Variants in SLC38A10 observed in about 807,000 individuals in gnomAD.
SLC38A10 encodes the protein Sodium-coupled neutral amino acid transporter 10.
In SLC38A10, 53 loss-of-function variants were observed where a neutral mutation model predicts 81.0. The observed-to-expected ratio is 0.65, with a 90% CI of 0.53 to 0.82. The LOEUF (loss-of-function observed/expected upper bound fraction) is 0.82, where lower values mean the gene tolerates loss of function less well. Ranked by LOEUF, SLC38A10 falls within the 40% of genes least tolerant of loss-of-function variation. The pLI, the probability that SLC38A10 is intolerant of heterozygous loss-of-function variation, is 0.00. For missense variants in SLC38A10, 1,471 were observed against 1,545.0 expected, an observed-to-expected ratio of 0.95 and a Z score of 0.80; for synonymous variants, 665 against 655.3, an observed-to-expected ratio of 1.01 and a Z score of -0.23.
In SLC38A10 at chr17:81,282,207, G is replaced by A. The variant is rs542891089; in HGVS notation, c.483C>T (p.Tyr161=). 4 of 1,613,754 alleles carry A rather than the reference G, an allele frequency of 2.5e-6. No individual in the cohort carries two copies. The highest frequency in any genetic ancestry group is 1.3e-5 in the African/African-American group (1 of 75,074). Residue 161 remains tyrosine, a synonymous_variant, in exon 5 of 16, where the codon TAC becomes TAT. Coordinates refer to ENST00000374759, the MANE Select transcript of SLC38A10 (RefSeq NM_001037984.3). ...GACTCACCACGAACATGAACACGGT[G>A]TAGAAGAGGAGGGCCATGGCGCTGA... is the stretch of plus-strand genomic sequence containing the variant. The part of the protein sequence containing the change: ...QSFSAMALLF[Y]TVFMFVIVLS...
chr17:81,293,397 CA>C (rs1161149880), intron 1 of SLC38A10, among the ~76,000 whole-genome samples: 9 of 152,378 alleles, frequency 5.9e-5, no homozygotes, highest in Middle Eastern at 3.4e-3. Context: ...GCTCACCAAC[CA>C]TATCAGGCAA....
In SLC38A10 at chr17:81,270,818, C is replaced by T. The variant is rs2063108327; in HGVS notation, c.1131+100G>A. 3.1e-6 allele frequency: 3 copies of T among 952,782 alleles called. No individual in the cohort carries two copies. The African/African-American group carries it at 4.9e-5, about 16-fold the overall frequency. 59.0% of individuals were successfully genotyped at this position (952,782 alleles called of 1,614,324 possible). A position where few individuals can be genotyped will look rare whatever the true frequency, so the allele number is the denominator to read the frequency against. ...TGGGTTTTAAGTTTCTTGATAGAACCCATCTGAAAACGCTGAACCAGGGGC... is the reference window on the plus strand; with the variant it reads ...TGGGTTTTAAGTTTCTTGATAGAACTCATCTGAAAACGCTGAACCAGGGGC... On this transcript the variant is annotated intron_variant, in intron 10 of 15. Transcript: ENST00000374759. The surrounding 1 kb of genome is among the most constrained non-coding windows in gnomAD (Gnocchi z 4.0).
At chr17:81,251,889 A>G (rs1031066344) in intron 13 of SLC38A10, 23 of 516,590 alleles carry the variant, frequency 4.5e-5, no homozygotes, top group Non-Finnish European at 7.5e-5. Context: ...CGGGCACTTA[A>G]CAACGTGTTA....
rs2063283357 is a variant in SLC38A10, at chr17:81,288,240, T to C, written c.217+1451A>G. Among the ~76,000 whole-genome samples, 1 of 152,134 alleles carries C rather than the reference T, an allele frequency of 6.6e-6. No homozygotes were observed. The highest frequency in any genetic ancestry group is 6.5e-5 in the Admixed American group (1 of 15,282). ...CCCACGTGTGGACCGTGCAGGTGTTTTTATTTTGTTTGGCCCCCTGGACCC... is the reference window on the plus strand; with the variant it reads ...CCCACGTGTGGACCGTGCAGGTGTTCTTATTTTGTTTGGCCCCCTGGACCC... On this transcript the variant is annotated intron_variant, in intron 2 of 15. Coordinates refer to ENST00000374759, the MANE Select transcript of SLC38A10 (RefSeq NM_001037984.3). This position sits in a 1 kb window ranked among gnomAD's most constrained non-coding sequence, Gnocchi z 5.4.
At chr17:81,250,938 A>T (rs2062904365) in intron 14 of SLC38A10, 3 of 1,246,550 alleles carry the variant, frequency 2.4e-6, no homozygotes, top group Middle Eastern at 3.1e-4. Context: ...TCCTGGAGGG[A>T]CAGGTGACAG....
chr17:81,267,097 C>T (rs920236233), intron 10 of SLC38A10, among the ~76,000 whole-genome samples: 4 of 152,170 alleles, frequency 2.6e-5, no homozygotes, highest in East Asian at 3.9e-4. Context: ...TAACACAGTA[C>T]GGAAGGGCAG....
At chr17:81,273,864 G>A (rs2146930541) in intron 8 of SLC38A10, among the ~76,000 whole-genome samples, 1 of 152,312 alleles carries the variant, frequency 6.6e-6, no homozygotes. Context: ...CAGGCTTGTA[G>A]GGACCGTGGA....
Position 81,245,384 on chromosome 17 carries a change from G to A in SLC38A10, c.*172C>T, listed in dbSNP as rs750331132. 6 of 796,892 alleles carry A rather than the reference G, an allele frequency of 7.5e-6. No individual in the cohort carries two copies. The highest frequency in any genetic ancestry group is 1.1e-5 in the Non-Finnish European group (6 of 523,652). The allele number at this position is 796,892 out of a possible 1,614,324, so 49.4% of individuals were successfully genotyped here. A position where few individuals can be genotyped will look rare whatever the true frequency, so the allele number is the denominator to read the frequency against. On this transcript the variant is annotated 3_prime_UTR_variant, in exon 16 of 16. Coordinates refer to ENST00000374759, the MANE Select transcript of SLC38A10 (RefSeq NM_001037984.3). ...ACGACAGCAAGAACATTCTGGAAAC[G>A]ATGCCACAGTGAATCTTTTATACTG...
rs1567942138 is a variant in SLC38A10, at chr17:81,277,175, CA to C, written c.627-43del. On this transcript the variant is annotated intron_variant, in intron 6 of 15. Transcript: ENST00000374759. The surrounding 1 kb of genome is among the most constrained non-coding windows in gnomAD (Gnocchi z 4.5). ...CATTTCACAGCGGACCTGAGAGAGG[CA>C]CGCCCTCCCCAGCGGCTCCACTTCT... 1 of 1,580,178 alleles carries C rather than the reference CA, an allele frequency of 6.3e-7. No individual in the cohort carries two copies. The highest frequency in any genetic ancestry group is 1.3e-5 in the African/African-American group (1 of 74,366).
chr17:81,271,884 GC>G (rs1176185415), intron 9 of SLC38A10, among the ~76,000 whole-genome samples: 1 of 149,776 alleles, frequency 6.7e-6, no homozygotes, highest in African/African-American at 2.5e-5. Context: ...CCGCCACCAC[GC>G]CCGGCTAATT....
At chr17:81,255,509 C>G (rs1471559664) in intron 11 of SLC38A10, among the ~76,000 whole-genome samples, 1 of 152,260 alleles carries the variant, frequency 6.6e-6, no homozygotes, top group Non-Finnish European at 1.5e-5. Flanking sequence ...CCCCCGCCAG[C>G]TCACGACTGA....
At chr17:81,257,282 G>A in intron 11 of SLC38A10, among the ~76,000 whole-genome samples, 1 of 152,104 alleles carries the variant, frequency 6.6e-6, no homozygotes. Context: ...TTTTAGTAGA[G>A]ACAGGGTTTC....
At chr17:81,291,567 G>A (rs999888021) in intron 1 of SLC38A10, among the ~76,000 whole-genome samples, 18 of 151,978 alleles carry the variant, frequency 1.2e-4, no homozygotes, top group Admixed American at 2.6e-4. Context: ...TGGCTCCAGC[G>A]GAAAAGACAC....
intron 8 of SLC38A10, among the ~76,000 whole-genome samples, chr17:81,273,009 T>TGCCCCA (rs1406307588): frequency 2.6e-5 from 4 of 152,170 alleles, no homozygotes; most frequent in East Asian, 1.9e-4. Context: ...TCCTGACAAA[T>TGCCCCA]GCCCCAGGAC....
chr17:81,280,599 G>A lies in SLC38A10; in HGVS notation c.626+10C>T. On this transcript the variant is annotated intron_variant, in intron 6 of 15. Coordinates refer to ENST00000374759, the MANE Select transcript of SLC38A10 (RefSeq NM_001037984.3). The stretch of plus-strand genomic sequence containing the variant: ...CAGAACTCCACCACAGACCACAGCA[G>A]GACACTTACGACTGGCAGGCGAAGG... 1.2e-6 allele frequency: 2 copies of A among 1,613,612 alleles called. No individual in the cohort carries two copies. Among genetic ancestry groups the A allele is most frequent in the South Asian group, 1.1e-5 (1 of 91,026 alleles).
rs781063838 is a variant in SLC38A10 at position 81,251,548 on chromosome 17, G to A, written c.2010C>T (p.Arg670=). Residue 670 remains arginine, a synonymous_variant, in exon 14 of 16, where the codon CGC becomes CGT. Coordinates refer to ENST00000374759, the MANE Select transcript of SLC38A10 (RefSeq NM_001037984.3). ...APGPGLPPEP[R]EQRDVERAGG... ...CCGCTCGCTCCACGTCCCTCTGCTC[G>A]CGAGGCTCGGGCGGCAGCCCAGGCC... 7 of 1,525,932 alleles carry A rather than the reference G, an allele frequency of 4.6e-6. No individual in the cohort carries two copies. The highest frequency in any genetic ancestry group is 2.5e-5 in the South Asian group (2 of 79,212). 94.5% of individuals were successfully genotyped at this position (1,525,932 alleles called of 1,614,324 possible).
Position 81,246,621 on chromosome 17 carries a change from A to AG in SLC38A10, c.2294dup (p.Glu766Ter). The AG allele has an allele frequency of 1.3e-6, 2 of 1,515,846 alleles. No individual in the cohort carries two copies. Among genetic ancestry groups the AG allele is most frequent in the Non-Finnish European group, 1.8e-6 (2 of 1,135,440 alleles). The allele number at this position is 1,515,846 out of a possible 1,614,324, so 93.9% of individuals were successfully genotyped here. A position where few individuals can be genotyped will look rare whatever the true frequency, so the allele number is the denominator to read the frequency against. ...CCACCGTCTCCCTGGCCTTGCCTTC[A>AG]GGGGCCTCCTGGCCTCTGGGCACCG... On this transcript the variant is annotated frameshift_variant, in exon 16 of 16. Transcript: ENST00000374759. LOFTEE classifies it low-confidence loss of function (END_TRUNC).
chr17:81,249,002 G>A (rs180875968), intron 14 of SLC38A10, among the ~76,000 whole-genome samples: 9 of 152,194 alleles, frequency 5.9e-5, no homozygotes, highest in South Asian at 4.1e-4. Context: ...CGTGGGCCAC[G>A]TGCTCGCCCT....
Position 81,289,818 on chromosome 17 carries a change from G to T in SLC38A10, c.100-10C>A. 1 of 1,578,822 alleles carries T rather than the reference G, an allele frequency of 6.3e-7. No homozygotes were observed. The highest frequency in any genetic ancestry group is 8.6e-7 in the Non-Finnish European group (1 of 1,164,008). ...CCAGGACGATGCCGCACTGCAGGGT[G>T]GAGACAGGAACACATGTTCACAGCA... On this transcript the variant is annotated splice_polypyrimidine_tract_variant and intron_variant, in intron 1 of 15. Coordinates refer to ENST00000374759, the MANE Select transcript of SLC38A10 (RefSeq NM_001037984.3). The surrounding 1 kb of genome is among the most constrained non-coding windows in gnomAD (Gnocchi z 5.9).
Sources: allele counts gnomAD v4.1 joint callset (sites outside exome capture counted in the v4.1 genomes callset), GRCh38; gene constraint gnomAD v4.1.1; non-coding constraint Gnocchi (gnomAD v3.1); transcripts MANE v1.5; gene names NCBI Gene and HGNC (gene_info 2026-07-23, HGNC 2026-07-21).